ECPAS: variants seen among roughly 807,000 people sequenced by gnomAD.
The protein encoded by ECPAS is Ecm29 proteasome adaptor and scaffold, also known as proteasome adapter and scaffold protein ECM29.
Under a neutral mutation model 255.1 loss-of-function variants are expected in ECPAS, and 70 were observed. The ratio of observed to expected loss-of-function variants is 0.27; its 90% CI spans 0.23 to 0.33. The LOEUF is 0.33. Among genes scored for constraint, ECPAS ranks in the 10% least tolerant of loss-of-function variants. The pLI, the probability that ECPAS is intolerant of heterozygous loss-of-function variation, is 1.00. For missense variants in ECPAS, 1,817 were observed against 2,206.4 expected, an observed-to-expected ratio of 0.82 and a Z score of 3.54; for synonymous variants, 784 against 775.0, an observed-to-expected ratio of 1.01 and a Z score of -0.19.
intron 1 of ECPAS, among the ~76,000 whole-genome samples, chr9:111,481,883 G>A (rs1185818312): frequency 2.0e-5 from 3 of 152,224 alleles, no homozygotes; most frequent in African/African-American, 7.2e-5. Flanking sequence ...CACGAGGTAG[G>A]AAGAATACTC....
chr9:111,419,936 T>C (rs981309629), intron 16 of ECPAS, 81 bp downstream of exon 16: 1 of 1,048,506 alleles, frequency 9.5e-7, no homozygotes, highest in Non-Finnish European at 1.5e-6. Context: ...TAGACCAACA[T>C]TGTAAACAAT....
Position 111,372,334 on chromosome 9 carries a change from A to T in ECPAS, c.4528+95T>A, listed in dbSNP as rs538562732. 49 of 1,156,760 alleles carry T rather than the reference A, an allele frequency of 4.2e-5. No homozygotes were observed. The African/African-American group carries it at 7.1e-4, about 17-fold the overall frequency. 71.7% of individuals were successfully genotyped at this position (1,156,760 alleles called of 1,614,324 possible). A position where few individuals can be genotyped will look rare whatever the true frequency, so the allele number is the denominator to read the frequency against. ...GGGATGCATATTAAGGTCCTGGGAA[A>T]GTAACTTCAGAGGAGTTTATGAATA... On this transcript the variant is annotated intron_variant, in intron 42 of 49. Coordinates refer to ENST00000684092, the MANE Select transcript of ECPAS (RefSeq NM_001364929.1).
chr9:111,447,429 A>G (rs2098254748), intron 3 of ECPAS, among the ~76,000 whole-genome samples: 2 of 152,142 alleles, frequency 1.3e-5, no homozygotes, highest in African/African-American at 4.8e-5. Flanking sequence ...TGAATTTTAA[A>G]TGGATTAATT....
At chr9:111,434,491 G>C (rs567327520) in intron 7 of ECPAS, among the ~76,000 whole-genome samples, 186 of 151,508 alleles carry the variant, frequency 1.2e-3, no homozygotes, top group African/African-American at 4.2e-3. Flanking sequence ...TACATGACAA[G>C]TAGAAATGTA....
intron 2 of ECPAS, among the ~76,000 whole-genome samples, chr9:111,453,135 T>C (rs542366506): frequency 2.6e-5 from 4 of 152,248 alleles, no homozygotes; most frequent in African/African-American, 7.2e-5. Context: ...TGGTCCCAGC[T>C]ACTCCAGAGG....
intron 1 of ECPAS, among the ~76,000 whole-genome samples, chr9:111,474,055 CT>C (rs1256965342): frequency 1.1e-4 from 16 of 152,302 alleles, no homozygotes; most frequent in African/African-American, 3.8e-4. Context: ...AGTTAGGTCC[CT>C]TGTTCAAGAA....
chr9:111,435,980 G>A (rs1160003678), intron 7 of ECPAS, among the ~76,000 whole-genome samples: 5 of 148,068 alleles, frequency 3.4e-5, no homozygotes, highest in African/African-American at 7.5e-5. Flanking sequence ...TAGCCACTGC[G>A]CCCGGCCTCT....
rs144591602 is a variant in ECPAS at position 111,466,401 on chromosome 9, C to T, written c.22+6496G>A. 1.2e-3 allele frequency among the ~76,000 whole-genome samples: 175 copies of T among 151,676 alleles called. 1 individual carries two copies. The highest frequency in any genetic ancestry group is 1.9e-3 in the Non-Finnish European group (130 of 67,930). ...TAGAGGTTGCAGTGAGCCATGATGGCGCCATTGCACTCCAGCCTGGGCGAC... is the reference window on the plus strand; with the variant it reads ...TAGAGGTTGCAGTGAGCCATGATGGTGCCATTGCACTCCAGCCTGGGCGAC... On this transcript the variant is annotated intron_variant, in intron 2 of 49. Coordinates refer to ENST00000684092, the MANE Select transcript of ECPAS (RefSeq NM_001364929.1).
At position 111,379,466 on chromosome 9, in the gene ECPAS, G is replaced by A. The variant is rs142640068; in HGVS notation, c.3804-736C>T. Among the ~76,000 whole-genome samples, 26 of 152,292 alleles carry A rather than the reference G, an allele frequency of 1.7e-4. No individual in the cohort carries two copies. In the East Asian group the frequency reaches 4.6e-3, roughly 27 times the overall value. ...GTCATTATCTTTTTGCTGGTGGAGG[G>A]TCCTACCTCAATGGTGATGCCTACT... On this transcript the variant is annotated intron_variant, in intron 35 of 49. Transcript: ENST00000684092.
chr9:111,428,222 C>A, intron 9 of ECPAS, 61 bp from the exon 10 acceptor site: 1 of 1,493,100 alleles, frequency 6.7e-7, no homozygotes. Flanking sequence ...CTGAAAATGT[C>A]ATGAGAATTC....
At chr9:111,480,015 A>T (rs2098302121) in intron 1 of ECPAS, among the ~76,000 whole-genome samples, 1 of 152,106 alleles carries the variant, frequency 6.6e-6, no homozygotes, top group Admixed American at 6.6e-5. Flanking sequence ...CAATTTTTAA[A>T]AATCTACTGA....
chr9:111,389,644 C>T lies in ECPAS; in HGVS notation c.3359G>A (p.Arg1120Gln). The change falls in exon 31 of 50, where the codon CGA (arginine) becomes CAA (glutamine). Residue 1120 changes from arginine (R) to glutamine (Q), a missense_variant. By Grantham distance (43) the Arg-to-Gln change is conservative. Transcript: ENST00000684092. ...LAPFLPQLVPRLYRYQFDPNL... is the reference protein window; with the variant it reads ...LAPFLPQLVPQLYRYQFDPNL... ...GGGATCAAACTGGTAACGATAAAGTCGAGGAACTAGCTGAGGCAGAAAAGG... is the reference window on the plus strand; with the variant it reads ...GGGATCAAACTGGTAACGATAAAGTTGAGGAACTAGCTGAGGCAGAAAAGG... 2 of 1,613,850 alleles carry T rather than the reference C, an allele frequency of 1.2e-6. No homozygotes were observed. The highest frequency in any genetic ancestry group is 1.7e-5 in the Admixed American group (1 of 60,002).
chr9:111,402,868 T>C (rs772637330), intron 24 of ECPAS, among the ~76,000 whole-genome samples: 1 of 151,756 alleles, frequency 6.6e-6, no homozygotes, highest in Non-Finnish European at 1.5e-5. Context: ...AAATCATTTA[T>C]CCACAAAGGA....
intron 24 of ECPAS, among the ~76,000 whole-genome samples, chr9:111,408,361 T>C (rs993509896): frequency 6.6e-6 from 1 of 152,174 alleles, no homozygotes; most frequent in African/African-American, 2.4e-5. Context: ...TGCTCAAAAA[T>C]TTTAAGAAAA....
chr9:111,468,210 C>T (rs1287914584), intron 2 of ECPAS, among the ~76,000 whole-genome samples: 3 of 152,022 alleles, frequency 2.0e-5, no homozygotes, highest in Non-Finnish European at 4.4e-5. Context: ...ACCCTCCAAG[C>T]GCACACTGGA....
intron 17 of ECPAS, among the ~76,000 whole-genome samples, chr9:111,417,625 T>C (rs180992530): frequency 7.6e-4 from 115 of 152,042 alleles, no homozygotes; most frequent in Middle Eastern, 6.8e-3. Flanking sequence ...CAGGCGCCTA[T>C]AATCCCAGCT....
At chr9:111,377,635 A>T (rs763124167) in intron 36 of ECPAS, among the ~76,000 whole-genome samples, 9 of 152,188 alleles carry the variant, frequency 5.9e-5, no homozygotes, top group Non-Finnish European at 1.3e-4. Flanking sequence ...TCACAGAACA[A>T]CATTCACGGT....
chr9:111,469,179 A>G (rs2098283243), intron 2 of ECPAS, among the ~76,000 whole-genome samples: 1 of 151,564 alleles, frequency 6.6e-6, no homozygotes, highest in Non-Finnish European at 1.5e-5. Flanking sequence ...CAGAGGTTAC[A>G]GTAAGCCAAA....
At chr9:111,419,134 A>G (rs2098209113) in intron 16 of ECPAS, among the ~76,000 whole-genome samples, 1 of 152,216 alleles carries the variant, frequency 6.6e-6, no homozygotes, top group Admixed American at 6.5e-5. Context: ...GGAATTACCC[A>G]TTTTTAAAAA....
Sources: allele counts gnomAD v4.1 joint callset (sites outside exome capture counted in the v4.1 genomes callset), GRCh38; gene constraint gnomAD v4.1.1; transcripts MANE v1.5; gene names NCBI Gene and HGNC (gene_info 2026-07-23, HGNC 2026-07-21).